The following NBAS variants were observed in gnomAD, a reference collection of about 807,000 sequenced individuals.
NBAS encodes the protein NBAS subunit of NRZ tethering complex.
In NBAS, 219 loss-of-function variants were observed where a neutral mutation model predicts 302.5. The ratio of observed to expected loss-of-function variants is 0.72; its 90% CI spans 0.65 to 0.81. The LOEUF is 0.81. Ranked by LOEUF, NBAS falls within the 30% of genes least tolerant of loss-of-function variation. NBAS has a pLI of 0.00. For synonymous variants in NBAS, 1,118 were observed against 1,021.6 expected, an observed-to-expected ratio of 1.09 and a Z score of -1.80; for missense variants, 2,932 against 2,841.6, an observed-to-expected ratio of 1.03 and a Z score of -0.72.
intron 28 of NBAS, among the ~76,000 whole-genome samples, chr2:15,391,827 G>GA (rs1333839256): frequency 6.8e-6 from 1 of 148,058 alleles, no homozygotes; most frequent in Non-Finnish European, 1.5e-5. Context: ...TTTCTCTGTG[G>GA]AAAAAAATGC....
At chr2:15,292,301 A>G (rs1033002197) in intron 41 of NBAS, among the ~76,000 whole-genome samples, 1 of 152,198 alleles carries the variant, frequency 6.6e-6, no homozygotes, top group African/African-American at 2.4e-5. Context: ...CATTATTTTA[A>G]CTAATGATTT....
the NBAS span, among the ~76,000 whole-genome samples, chr2:15,127,708 G>C: frequency 4.6e-5 from 7 of 152,184 alleles, no homozygotes; most frequent in East Asian, 1.2e-3. Context: ...TTTCCAGACT[G>C]CTTGCTCTTT....
the NBAS span, among the ~76,000 whole-genome samples, chr2:15,036,169 T>C: frequency 6.6e-6 from 1 of 152,238 alleles, no homozygotes; most frequent in Non-Finnish European, 1.5e-5. Context: ...TGTTGTATTT[T>C]TTAAATGGTA....
At chr2:15,547,758 C>T (rs1332511710) in intron 6 of NBAS, among the ~76,000 whole-genome samples, 1 of 152,138 alleles carries the variant, frequency 6.6e-6, no homozygotes, top group Non-Finnish European at 1.5e-5. Flanking sequence ...CAATTGAATA[C>T]CCACCAAATT....
Position 15,556,791 on chromosome 2 carries a change from G to C in NBAS, c.201C>G (p.Ile67Met). 6.2e-7 allele frequency: 1 copy of C among 1,610,398 alleles called. No individual in the cohort carries two copies. The highest frequency in any genetic ancestry group is 8.5e-7 in the Non-Finnish European group (1 of 1,176,942). ...RDRLLFLRQY[I>M]WYSPAPFLLP... ...AAGAACCGAAGACTCACCTGTACCA[G>C]ATGTATTGGCGTAAAAATAATAAAC... The change falls in exon 3 of 52, where the codon ATC becomes ATG. Residue 67 changes from isoleucine to methionine, a missense_variant. Coordinates refer to ENST00000281513, the MANE Select transcript of NBAS (RefSeq NM_015909.4).
At chr2:15,155,007 T>C in the NBAS span, among the ~76,000 whole-genome samples, 6 of 152,354 alleles carry the variant, frequency 3.9e-5, no homozygotes, top group African/African-American at 1.2e-4. Context: ...TATAAAATAC[T>C]AGAGCACTAC....
At chr2:15,288,324 G>C (rs1670151279) in intron 41 of NBAS, among the ~76,000 whole-genome samples, 1 of 152,200 alleles carries the variant, frequency 6.6e-6, no homozygotes, top group African/African-American at 2.4e-5. Context: ...CGGTGGTAGA[G>C]CTAAAAGAGA....
intron 48 of NBAS, 136 bp downstream of exon 48, chr2:15,218,637 A>G: frequency 9.2e-7 from 1 of 1,091,360 alleles, no homozygotes; most frequent in South Asian, 1.3e-5. Flanking sequence ...GCCAGGTGCC[A>G]GGCTGGTCTT....
At position 15,238,523 on chromosome 2, in the gene NBAS, G is replaced by A. The variant is rs559495823; in HGVS notation, c.5888C>T (p.Ala1963Val). 5.0e-5 allele frequency: 81 copies of A among 1,614,162 alleles called. No individual in the cohort carries two copies. In the South Asian group the frequency reaches 7.8e-4, roughly 16 times the overall value. ...GCTGTGGCTCAGGGTTTCCAGGTGGGCAAGTGATTTCTCCAGATGATTCAA... is the reference window on the plus strand; with the variant it reads ...GCTGTGGCTCAGGGTTTCCAGGTGGACAAGTGATTTCTCCAGATGATTCAA... ...DTLNHLEKSL[A>V]HLETLSHSFI... The change falls in exon 45 of 52, where the codon GCC (alanine) becomes GTC (valine). Residue 1963 changes from alanine (A) to valine (V), a missense_variant. Ala to Val is a moderately conservative substitution (Grantham distance 64). Transcript: ENST00000281513.
chr2:15,553,578 T>G, intron 4 of NBAS, 105 bp from the exon 5 acceptor site: 1 of 1,057,914 alleles, frequency 9.5e-7, no homozygotes, highest in Non-Finnish European at 1.4e-6. Context: ...TTTTTAAATT[T>G]GTTCACATGC....
At chr2:15,232,724 T>C (rs767070113) in intron 46 of NBAS, among the ~76,000 whole-genome samples, 2 of 152,196 alleles carry the variant, frequency 1.3e-5, no homozygotes, top group Non-Finnish European at 2.9e-5. Context: ...CAGTCTAATA[T>C]ACACATGTTT....
At chr2:15,440,875 C>A (rs1051671944) in intron 21 of NBAS, among the ~76,000 whole-genome samples, 1 of 151,724 alleles carries the variant, frequency 6.6e-6, no homozygotes, top group Non-Finnish European at 1.5e-5. Context: ...GCCTCAGGAG[C>A]CGATGCGATC....
At chr2:15,023,132 T>C in the NBAS span, among the ~76,000 whole-genome samples, 1 of 152,136 alleles carries the variant, frequency 6.6e-6, no homozygotes, top group African/African-American at 2.4e-5. Flanking sequence ...ATAGGATGCA[T>C]TTTGTCAGTT....
intron 29 of NBAS, among the ~76,000 whole-genome samples, chr2:15,380,531 TAG>T (rs961006478): frequency 3.7e-4 from 56 of 151,870 alleles, no homozygotes; most frequent in African/African-American, 1.0e-3. Flanking sequence ...TATTATAATG[TAG>T]AGTTTTTTAA....
the NBAS span, among the ~76,000 whole-genome samples, chr2:15,081,700 G>A: frequency 6.6e-6 from 1 of 152,166 alleles, no homozygotes; most frequent in Non-Finnish European, 1.5e-5. Flanking sequence ...TTATGGTCAG[G>A]GGTCTCTCCC....
chr2:15,041,719 G>A, the NBAS span, among the ~76,000 whole-genome samples: 19 of 152,206 alleles, frequency 1.2e-4, no homozygotes, highest in Admixed American at 2.6e-4. Flanking sequence ...GAAATCTTCC[G>A]CCACTCTACC....
the NBAS span, among the ~76,000 whole-genome samples, chr2:15,147,499 A>G: frequency 6.6e-6 from 1 of 152,126 alleles, no homozygotes; most frequent in East Asian, 1.9e-4. Context: ...AGGCTGAGGC[A>G]GGAGAATCGC....
At chr2:15,451,438 A>G (rs1323171410) in intron 21 of NBAS, among the ~76,000 whole-genome samples, 1 of 152,224 alleles carries the variant, frequency 6.6e-6, no homozygotes, top group Non-Finnish European at 1.5e-5. Context: ...CTGGAAAATC[A>G]TAAACTAATA....
the NBAS span, among the ~76,000 whole-genome samples, chr2:14,974,953 A>G: frequency 6.6e-6 from 1 of 152,212 alleles, no homozygotes; most frequent in Non-Finnish European, 1.5e-5. Context: ...AAGCACAAGA[A>G]GAATTCAACA....
Sources: allele counts gnomAD v4.1 joint callset (sites outside exome capture counted in the v4.1 genomes callset), GRCh38; gene constraint gnomAD v4.1.1; transcripts MANE v1.5; gene names NCBI Gene and HGNC (gene_info 2026-07-23, HGNC 2026-07-21).